PCTP: variants seen among roughly 807,000 people sequenced by gnomAD.
PCTP encodes the protein phosphatidylcholine transfer protein, also known as START domain-containing protein 2.
A neutral mutation model predicts 31.0 loss-of-function variants in PCTP; 27 were observed. The ratio of observed to expected loss-of-function variants is 0.87; its 90% CI spans 0.64 to 1.20. The LOEUF (loss-of-function observed/expected upper bound fraction) is 1.20, where lower values mean the gene tolerates loss of function less well. PCTP is among the 50% of genes most tolerant of loss of function. PCTP has a pLI of 0.00. For synonymous variants in PCTP, 108 were observed against 101.2 expected (o/e 1.07, Z -0.40); for missense variants, 287 against 268.2 (o/e 1.07, Z -0.49).
At chr17:55,767,881 C>T (rs1243465406) in intron 2 of PCTP, among the ~76,000 whole-genome samples, 1 of 147,668 alleles carries the variant, frequency 6.8e-6, no homozygotes, top group African/African-American at 2.5e-5. Context: ...TCACTTGAGG[C>T]CAGGAGTTTG....
At chr17:55,805,886 ATGTG>A (rs58345619) in intron 3 of PCTP, among the ~76,000 whole-genome samples, 147 of 142,816 alleles carry the variant, frequency 1.0e-3, no homozygotes, top group African/African-American at 2.3e-3. Flanking sequence ...CTCAATCTGT[ATGTG>A]TGTGTGTGTG....
chr17:55,751,485 C>T, intron 1 of PCTP: 1 of 1,527,878 alleles, frequency 6.5e-7, no homozygotes, highest in Middle Eastern at 1.7e-4. Context: ...CAGGTCAGGC[C>T]CGACGGGGCA....
intron 1 of PCTP, among the ~76,000 whole-genome samples, chr17:55,763,941 T>G (rs975110234): frequency 6.6e-6 from 1 of 152,196 alleles, no homozygotes; most frequent in Non-Finnish European, 1.5e-5. Context: ...ATGGAGCATT[T>G]GGTTCCTCTG....
chr17:55,821,509 A>G (rs1436005086), intron 3 of PCTP, among the ~76,000 whole-genome samples: 1 of 152,224 alleles, frequency 6.6e-6, no homozygotes, highest in African/African-American at 2.4e-5. Flanking sequence ...GGTTCATTGC[A>G]TGGCATGTGA....
intron 3 of PCTP, among the ~76,000 whole-genome samples, chr17:55,798,166 T>A (rs1912245486): frequency 6.6e-6 from 1 of 151,886 alleles, no homozygotes; most frequent in African/African-American, 2.4e-5. Flanking sequence ...CAGTTGGAAA[T>A]ATACAGATAG....
chr17:55,803,235 C>T lies in PCTP; in HGVS notation c.317+15581C>T, dbSNP rs146679777. 4.9e-3 allele frequency among the ~76,000 whole-genome samples: 751 copies of T among 152,254 alleles called. 8 individuals are homozygous for T. Among genetic ancestry groups the T allele is most frequent in the African/African-American group, 0.017 (696 of 41,538 alleles). On this transcript the variant is annotated intron_variant, in intron 3 of 3. Coordinates refer to the PCTP transcript ENST00000572536. Reference sequence around the variant, plus strand: ...GGACATAAACAAATGGAAAAACATTCCATGGTCATGGATAAGAAGAATCAA... The same window carrying T: ...GGACATAAACAAATGGAAAAACATTTCATGGTCATGGATAAGAAGAATCAA...
In PCTP at chr17:55,767,435, G is replaced by A. The variant is rs779586566; in HGVS notation, c.242G>A (p.Trp81Ter). 7 of 1,605,598 alleles carry A rather than the reference G, an allele frequency of 4.4e-6. No homozygotes were observed. The East Asian group carries it at 1.6e-4, about 36-fold the overall frequency. Residue 81 changes from tryptophan to a stop codon, truncating the protein, a stop_gained, in exon 2 of 6, where the codon TGG (tryptophan) becomes TAG (stop). Transcript: ENST00000268896. LOFTEE classifies it high-confidence loss of function. ...IYMDSDYRKQ[W>*]DQYVKELYEQ... ...ATGGACTCAGATTACAGAAAACAAT[G>A]GGACCAGTATGTTAAAGGTGAGTGA...
intron 5 of PCTP, chr17:55,842,649 C>T (rs907699556): frequency 6.6e-6 from 1 of 152,172 alleles, no homozygotes; most frequent in Non-Finnish European, 1.5e-5. Context: ...CTAGTCTGCA[C>T]AAGAACTCAA....
intron 5 of PCTP, among the ~76,000 whole-genome samples, chr17:55,834,312 C>A (rs1233388924): frequency 6.6e-6 from 1 of 152,090 alleles, no homozygotes; most frequent in African/African-American, 2.4e-5. Flanking sequence ...AGGTATTAAG[C>A]CCAGCATGCA....
At chr17:55,772,024 G>A (rs2144961533) in intron 3 of PCTP, among the ~76,000 whole-genome samples, 1 of 152,274 alleles carries the variant, frequency 6.6e-6, no homozygotes, top group African/African-American at 2.4e-5. Flanking sequence ...CACTTCAAAG[G>A]TGTTCTGCCA....
downstream of PCTP, among the ~76,000 whole-genome samples, chr17:55,843,672 C>G (rs1396343933): frequency 6.6e-6 from 1 of 152,190 alleles, no homozygotes; most frequent in Non-Finnish European, 1.5e-5. Context: ...TCTCGCATGA[C>G]TCTTACCAGC....
intron 1 of PCTP, among the ~76,000 whole-genome samples, chr17:55,762,857 TAAGGAG>T (rs1910413667): frequency 6.6e-6 from 1 of 152,208 alleles, no homozygotes; most frequent in African/African-American, 2.4e-5. Context: ...GTTCTCTTAA[TAAGGAG>T]AAGGAGTGTT....
intron 2 of PCTP, among the ~76,000 whole-genome samples, chr17:55,786,758 G>A (rs1481738123): frequency 1.3e-5 from 2 of 152,146 alleles, no homozygotes; most frequent in African/African-American, 4.8e-5. Context: ...GTGCAGTTAA[G>A]ATTGCAAGTT....
At chr17:55,787,148 A>G (rs766416063) in intron 2 of PCTP, among the ~76,000 whole-genome samples, 8 of 150,976 alleles carry the variant, frequency 5.3e-5, no homozygotes, top group Non-Finnish European at 1.0e-4. Flanking sequence ...TGTTTTTCTC[A>G]TCTTTAAGAG....
chr17:55,776,636 C>T lies in PCTP; in HGVS notation c.*536C>T. Reference sequence around the variant, plus strand: ...GGATGACGTGCCAATGTCCATTTGCCTTATGCTTTGTGGAGCTGATTAGGC... The same window carrying T: ...GGATGACGTGCCAATGTCCATTTGCTTTATGCTTTGTGGAGCTGATTAGGC... On this transcript the variant is annotated 3_prime_UTR_variant, in exon 6 of 6. Coordinates refer to ENST00000268896, the MANE Select transcript of PCTP (RefSeq NM_021213.4). 1 of 1,230,082 alleles carries T rather than the reference C, an allele frequency of 8.1e-7. No homozygotes were observed. Among genetic ancestry groups the T allele is most frequent in the Non-Finnish European group, 1.0e-6 (1 of 987,530 alleles). The allele number at this position is 1,230,082 out of a possible 1,614,324, so 76.2% of individuals were successfully genotyped here.
chr17:55,775,977 A>C (rs1195151881), intron 5 of PCTP, 58 bp from the exon 6 acceptor site: 1 of 1,594,690 alleles, frequency 6.3e-7, no homozygotes, highest in African/African-American at 1.4e-5. Flanking sequence ...CCACATCCCA[A>C]AGAATCAAGA....
downstream of PCTP, among the ~76,000 whole-genome samples, chr17:55,778,155 G>A (rs1406616769): frequency 3.3e-5 from 5 of 150,416 alleles, no homozygotes; most frequent in Admixed American, 2.7e-4. Context: ...CAGTCCTCAC[G>A]AGCTGAGGTT....
chr17:55,770,908 T>TTTA (rs1910955274), intron 2 of PCTP, 198 bp from the exon 3 acceptor site: 8 of 418,680 alleles, frequency 1.9e-5, no homozygotes, highest in South Asian at 1.8e-4. Context: ...TTTTTTTTTT[T>TTTA]TATATATAGA....
chr17:55,798,486 GA>G (rs1370944749), intron 3 of PCTP, among the ~76,000 whole-genome samples: 1 of 151,476 alleles, frequency 6.6e-6, no homozygotes, highest in African/African-American at 2.4e-5. Flanking sequence ...GCAACCAAAG[GA>G]AAAAAAGATA....
Sources: gnomAD v4.1 joint callset for allele counts (sites outside exome capture counted in the v4.1 genomes callset) on GRCh38, gnomAD v4.1.1 for gene constraint, MANE v1.5 for transcripts, NCBI Gene and HGNC (gene_info 2026-07-23, HGNC 2026-07-21) for gene names.